The following LRRC72 variants were observed in gnomAD, a reference collection of about 807,000 sequenced individuals.
LRRC72 encodes the protein leucine-rich repeat-containing protein 72.
Under a neutral mutation model 35.8 loss-of-function variants are expected in LRRC72, and 41 were observed. The observed-to-expected ratio is 1.15, with a 90% confidence interval of 0.89 to 1.49. The LOEUF (loss-of-function observed/expected upper bound fraction) is 1.49, where lower values mean the gene tolerates loss of function less well. Ranked by LOEUF, LRRC72 falls within the 40% of genes most tolerant of loss-of-function variation. The pLI, the probability that LRRC72 is intolerant of heterozygous loss-of-function variation, is 0.00. For missense variants in LRRC72, 389 were observed against 330.7 expected (o/e 1.18, Z -1.37); for synonymous variants, 118 against 119.2 (o/e 0.99, Z 0.07).
intron 3 of LRRC72, among the ~76,000 whole-genome samples, chr7:16,538,116 T>A (rs1782294698): frequency 1.3e-5 from 2 of 152,230 alleles, no homozygotes; most frequent in Admixed American, 1.3e-4. Flanking sequence ...AATAGCCAAC[T>A]GTCAATCTTC....
chr7:16,559,032 T>G, intron 5 of LRRC72, 33 bp downstream of exon 5: 1 of 1,169,446 alleles, frequency 8.6e-7, no homozygotes, highest in South Asian at 1.4e-5. Flanking sequence ...GGCCATAAGT[T>G]AAAATAGTAT....
At chr7:16,538,360 G>A (rs933143039) in intron 3 of LRRC72, among the ~76,000 whole-genome samples, 5 of 152,136 alleles carry the variant, frequency 3.3e-5, no homozygotes, top group African/African-American at 9.7e-5. Flanking sequence ...GTTCAAAGTT[G>A]ATCCTTCCCG....
intron 3 of LRRC72, among the ~76,000 whole-genome samples, chr7:16,540,856 T>C (rs1259856393): frequency 2.0e-5 from 3 of 152,166 alleles, no homozygotes; most frequent in African/African-American, 7.2e-5. Context: ...AACTGTGAGT[T>C]AATTAAACCT....
At chr7:16,566,237 T>TA in intron 5 of LRRC72, 76 bp from the exon 6 acceptor site, 1 of 788,250 alleles carries the variant, frequency 1.3e-6, no homozygotes, top group African/African-American at 5.7e-5. Context: ...AATCTCTTAA[T>TA]TTTTTGTATT....
In LRRC72 at chr7:16,581,476, T is replaced by A; in HGVS notation, c.851T>A (p.Val284Asp). The change falls in exon 9 of 9, where the codon GTT becomes GAT. Residue 284 changes from valine to aspartate, a missense_variant. Val to Asp is a radical substitution (Grantham distance 152). Coordinates refer to ENST00000401542, the MANE Select transcript of LRRC72 (RefSeq NM_001195280.2). Reference protein sequence around the residue: ...EGTETAQMLTVTLR With the variant: ...EGTETAQMLTDTLR The stretch of plus-strand genomic sequence containing the variant: ...ACAGAAACAGCTCAAATGCTCACAG[T>A]TACACTGAGATAAGCCCTGGTATTT... 1.3e-6 allele frequency: 2 copies of A among 1,547,148 alleles called. No individual in the cohort carries two copies. The highest frequency in any genetic ancestry group is 1.7e-6 in the Non-Finnish European group (2 of 1,145,690).
rs193026792 is a variant in LRRC72, at chr7:16,570,023, C to T, written c.670+2480C>T. ...CCAGCCTGGGCAACAGAGGGAGATT[C>T]CTTCTCAAAAAAGAAAAGAAAAAAA... On this transcript the variant is annotated intron_variant, in intron 7 of 8. Transcript: ENST00000401542. Among the ~76,000 whole-genome samples the T allele has an allele frequency of 2.4e-4, 37 of 151,484 alleles. No individual in the cohort carries two copies. In the East Asian group the frequency reaches 6.2e-3, roughly 25 times the overall value.
chr7:16,572,345 CACA>C (rs759642104), intron 7 of LRRC72, among the ~76,000 whole-genome samples: 19 of 152,126 alleles, frequency 1.2e-4, no homozygotes, highest in Non-Finnish European at 2.5e-4. Context: ...CTGGCAGAGA[CACA>C]ACAACAAAAA....
intron 2 of LRRC72, among the ~76,000 whole-genome samples, chr7:16,536,136 G>C (rs1782253513): frequency 6.6e-6 from 1 of 152,118 alleles, no homozygotes. Flanking sequence ...GCCTCCCAAA[G>C]TGCTGGGATT....
At chr7:16,552,742 G>C (rs919657089) in intron 3 of LRRC72, among the ~76,000 whole-genome samples, 1 of 152,178 alleles carries the variant, frequency 6.6e-6, no homozygotes, top group Non-Finnish European at 1.5e-5. Flanking sequence ...AAACTTGAGA[G>C]GTCAAGTTAG....
chr7:16,569,756 C>A lies in LRRC72; in HGVS notation c.670+2213C>A, dbSNP rs1034624124. Reference sequence around the variant, plus strand: ...TTTTATTTGGGAAAAAGTGGCCAGGCGTGGTGGCTCAAGCCTGTAATCCCA... The same window carrying A: ...TTTTATTTGGGAAAAAGTGGCCAGGAGTGGTGGCTCAAGCCTGTAATCCCA... On this transcript the variant is annotated intron_variant, in intron 7 of 8. Coordinates refer to ENST00000401542, the MANE Select transcript of LRRC72 (RefSeq NM_001195280.2). Among the ~76,000 whole-genome samples the A allele has an allele frequency of 2.6e-5, 4 of 151,628 alleles. No homozygotes were observed. In the East Asian group the frequency reaches 7.8e-4, roughly 29 times the overall value.
chr7:16,527,135 A>T, intron 1 of LRRC72, 93 bp downstream of exon 1: 1 of 957,840 alleles, frequency 1.0e-6, no homozygotes, highest in South Asian at 1.5e-5. Context: ...CAGGTACTGA[A>T]TTTGGAGGGG....
chr7:16,546,713 A>G (rs1016711945), intron 3 of LRRC72, among the ~76,000 whole-genome samples: 3 of 151,914 alleles, frequency 2.0e-5, no homozygotes, highest in Non-Finnish European at 4.4e-5. Flanking sequence ...TGGTTTAGCC[A>G]CCCCAGGCAC....
At chr7:16,552,252 G>T (rs1479955738) in intron 3 of LRRC72, among the ~76,000 whole-genome samples, 1 of 152,168 alleles carries the variant, frequency 6.6e-6, no homozygotes, top group Non-Finnish European at 1.5e-5. Context: ...ATTCAGGGAT[G>T]TTAAAATCAA....
At chr7:16,572,756 CCT>C (rs1206105343) in intron 7 of LRRC72, among the ~76,000 whole-genome samples, 2 of 152,118 alleles carry the variant, frequency 1.3e-5, no homozygotes, top group East Asian at 3.9e-4. Flanking sequence ...ACAAGGATGC[CCT>C]CTCTCACCAC....
intron 3 of LRRC72, among the ~76,000 whole-genome samples, chr7:16,544,763 T>C (rs1026256924): frequency 2.6e-5 from 4 of 152,230 alleles, no homozygotes; most frequent in African/African-American, 9.6e-5. Context: ...CTTCTATTTC[T>C]GGAAGTACGA....
At chr7:16,575,100 G>A (rs979674779) in intron 7 of LRRC72, among the ~76,000 whole-genome samples, 1 of 139,940 alleles carries the variant, frequency 7.1e-6, no homozygotes, top group African/African-American at 2.6e-5. Flanking sequence ...GCGTGACAGA[G>A]TAAGACTCTG....
intron 2 of LRRC72, 195 bp downstream of exon 2, chr7:16,532,763 AAT>A: frequency 3.2e-6 from 2 of 630,870 alleles, no homozygotes; most frequent in Non-Finnish European, 2.9e-6. Flanking sequence ...AAAAAAAAAA[AAT>A]TATGGAGACA....
chr7:16,550,687 T>G (rs1250503274), intron 3 of LRRC72, among the ~76,000 whole-genome samples: 1 of 152,230 alleles, frequency 6.6e-6, no homozygotes, highest in Non-Finnish European at 1.5e-5. Flanking sequence ...ACTTTTTGAT[T>G]TTTCTCTTCT....
chr7:16,574,558 A>G (rs1371785732), intron 7 of LRRC72, among the ~76,000 whole-genome samples: 2 of 152,110 alleles, frequency 1.3e-5, no homozygotes. Flanking sequence ...ACAGAAAACC[A>G]AACACTGCAT....
Sources: allele counts gnomAD v4.1 joint callset (sites outside exome capture counted in the v4.1 genomes callset), GRCh38; gene constraint gnomAD v4.1.1; transcripts MANE v1.5; gene names NCBI Gene and HGNC (gene_info 2026-07-23, HGNC 2026-07-21).